Variants in CCDC7 observed in about 807,000 individuals in gnomAD.
CCDC7 encodes coiled-coil domain containing 7, also known as coiled-coil domain-containing protein 7.
In CCDC7, 183 loss-of-function variants were observed where a neutral mutation model predicts 196.9. That is an observed-to-expected ratio of 0.93 (90% CI 0.82 to 1.05). The LOEUF (loss-of-function observed/expected upper bound fraction) is 1.05. Among genes scored for constraint, CCDC7 ranks in the 50% least tolerant of loss-of-function variants. The probability of loss-of-function intolerance (pLI) is 0.00; values close to 1 mark genes in which losing one functional copy is unlikely to be tolerated. For synonymous variants in CCDC7, 525 were observed against 484.6 expected, an observed-to-expected ratio of 1.08 and a Z score of -1.10; for missense variants, 1,540 against 1,482.2, an observed-to-expected ratio of 1.04 and a Z score of -0.64.
chr10:32,518,762 A>C (rs550236194), intron 11 of CCDC7, among the ~76,000 whole-genome samples: 43 of 152,246 alleles, frequency 2.8e-4, no homozygotes, highest in Non-Finnish European at 4.4e-4. Flanking sequence ...TAACTTTATT[A>C]AACTAACGGT....
At chr10:32,804,792 C>G (rs991535528) in intron 29 of CCDC7, among the ~76,000 whole-genome samples, 2 of 152,156 alleles carry the variant, frequency 1.3e-5, no homozygotes, top group African/African-American at 4.8e-5. Flanking sequence ...GGTCGAATCA[C>G]TAAACATTTC....
intron 8 of CCDC7, among the ~76,000 whole-genome samples, chr10:32,479,083 C>T (rs996171451): frequency 3.3e-5 from 5 of 152,212 alleles, no homozygotes; most frequent in Non-Finnish European, 7.4e-5. Context: ...AATTTGTTAG[C>T]ATAAGTTATT....
At chr10:32,822,252 T>C (rs2090375839) in intron 31 of CCDC7, among the ~76,000 whole-genome samples, 1 of 152,206 alleles carries the variant, frequency 6.6e-6, no homozygotes, top group African/African-American at 2.4e-5. Flanking sequence ...CCACCTTCTT[T>C]CTTTTCTTAA....
chr10:32,638,514 T>A (rs149014158), intron 20 of CCDC7, among the ~76,000 whole-genome samples: 8,147 of 152,242 alleles, frequency 0.054, 728 homozygotes, highest in African/African-American at 0.19. Context: ...TTGGTTCTGT[T>A]TATATGCTGG....
intron 18 of CCDC7, among the ~76,000 whole-genome samples, chr10:32,611,048 A>C (rs1447821532): frequency 6.6e-6 from 1 of 152,182 alleles, no homozygotes; most frequent in Non-Finnish European, 1.5e-5. Context: ...AATGGTGTAA[A>C]AGCCTTCCTG....
At chr10:32,453,602 A>G (rs920785000) in intron 2 of CCDC7, among the ~76,000 whole-genome samples, 166 bp downstream of exon 3, 1 of 152,206 alleles carries the variant, frequency 6.6e-6, no homozygotes, top group African/African-American at 2.4e-5. Context: ...CAACCCAACC[A>G]AATCCCTCTT....
intron 20 of CCDC7, among the ~76,000 whole-genome samples, chr10:32,648,016 A>C (rs2068076234): frequency 6.6e-6 from 1 of 152,226 alleles, no homozygotes; most frequent in South Asian, 2.1e-4. Flanking sequence ...AAGGTGATAG[A>C]TATGGGTTCA....
At chr10:32,687,810 T>G (rs2076629778) in intron 22 of CCDC7, among the ~76,000 whole-genome samples, 1 of 152,198 alleles carries the variant, frequency 6.6e-6, no homozygotes, top group Non-Finnish European at 1.5e-5. Flanking sequence ...TTAAGATCAC[T>G]GTGATGGGTA....
At chr10:32,518,075 CCTTA>C (rs2047325241) in intron 10 of CCDC7, 100 bp downstream of exon 11, 25 of 1,372,090 alleles carry the variant, frequency 1.8e-5, no homozygotes, top group East Asian at 2.6e-5. Flanking sequence ...AAGATCCAAT[CCTTA>C]CTTAGTTTAT....
intron 33 of CCDC7, among the ~76,000 whole-genome samples, chr10:32,836,185 A>G (rs1241217456): frequency 2.0e-5 from 3 of 152,070 alleles, no homozygotes. Flanking sequence ...GAAAGAGGCC[A>G]TTAAAGAGAG....
At chr10:32,839,231 G>A (rs11498294) in intron 33 of CCDC7, among the ~76,000 whole-genome samples, 1 of 151,690 alleles carries the variant, frequency 6.6e-6, no homozygotes, top group Non-Finnish European at 1.5e-5. Context: ...CTGCAGAATA[G>A]ATAAGAAAAA....
chr10:32,530,058 T>C (rs1362330397), intron 11 of CCDC7, among the ~76,000 whole-genome samples: 1 of 152,230 alleles, frequency 6.6e-6, no homozygotes, highest in Non-Finnish European at 1.5e-5. Context: ...TTTTCTTTGC[T>C]TTGTCAAAGA....
intron 25 of CCDC7, among the ~76,000 whole-genome samples, chr10:32,724,000 C>T (rs758914008): frequency 6.6e-5 from 10 of 151,996 alleles, no homozygotes; most frequent in Non-Finnish European, 1.3e-4. Flanking sequence ...GCTTCCCCAG[C>T]TTTCCTAGAG....
At chr10:32,668,487 TATG>T (rs2073326185) in intron 21 of CCDC7, among the ~76,000 whole-genome samples, 1 of 151,904 alleles carries the variant, frequency 6.6e-6, no homozygotes, top group Non-Finnish European at 1.5e-5. Context: ...GCCCATTCAG[TATG>T]ATATTGGCTG....
intron 9 of CCDC7, among the ~76,000 whole-genome samples, chr10:32,502,905 T>C (rs1481969342): frequency 6.6e-6 from 1 of 152,230 alleles, no homozygotes; most frequent in Non-Finnish European, 1.5e-5. Flanking sequence ...ATTTTATTTC[T>C]TTTTATGCTA....
intron 28 of CCDC7, among the ~76,000 whole-genome samples, chr10:32,742,021 T>C (rs1439755784): frequency 4.6e-5 from 7 of 152,228 alleles, no homozygotes; most frequent in African/African-American, 1.4e-4. Flanking sequence ...TTGGTATTTA[T>C]GTGATGTATT....
rs530143208 is a variant in CCDC7, at chr10:32,873,613, T to C, written c.4112-2734T>C. On this transcript the variant is annotated intron_variant, in intron 41 of 41. Coordinates refer to ENST00000639629, the Ensembl canonical transcript of CCDC7. ...ATGGAATAGTCTGTACCACATTTTG[T>C]TTATCCGCTCACCAGTTGGTGGACA... Among the ~76,000 whole-genome samples, 9 of 152,098 alleles carry C rather than the reference T, an allele frequency of 5.9e-5. No homozygotes were observed. The South Asian group carries it at 1.7e-3, about 28-fold the overall frequency.
chr10:32,854,343 A>T, intron 40 of CCDC7, 57 bp from the exon 42 acceptor site: 1 of 1,004,726 alleles, frequency 1.0e-6, no homozygotes, highest in East Asian at 2.5e-5. Flanking sequence ...AACATTTTAA[A>T]AGTTGAAATT....
intron 20 of CCDC7, among the ~76,000 whole-genome samples, chr10:32,656,607 C>T (rs535256208): frequency 9.2e-5 from 14 of 152,214 alleles, no homozygotes; most frequent in Non-Finnish European, 1.6e-4. Context: ...GGGTAACTGC[C>T]CCCGTGATTC....
Sources: allele counts gnomAD v4.1 joint callset (sites outside exome capture counted in the v4.1 genomes callset), GRCh38; gene constraint gnomAD v4.1.1; transcripts MANE v1.5; gene names NCBI Gene and HGNC (gene_info 2026-07-23, HGNC 2026-07-21).